Variants in TMIGD3 observed in about 807,000 individuals in gnomAD.
TMIGD3 encodes transmembrane and immunoglobulin domain containing 3, also known as AD026 protein (AD026).
TMIGD3 carries 21 observed loss-of-function variants against 28.1 expected under a neutral mutation model. The observed-to-expected ratio is 0.75, with a 90% CI of 0.53 to 1.08. The LOEUF is 1.08. Among genes scored for constraint, TMIGD3 ranks in the 50% least tolerant of loss-of-function variants. The pLI, the probability that TMIGD3 is intolerant of heterozygous loss-of-function variation, is 0.00. For missense variants in TMIGD3, 416 were observed against 435.6 expected (o/e 0.96, Z 0.40); for synonymous variants, 151 against 162.1 (o/e 0.93, Z 0.52).
chr1:111,532,602 C>A (rs573254877), intron 1 of TMIGD3, among the ~76,000 whole-genome samples: 267 of 152,100 alleles, frequency 1.8e-3, no homozygotes, highest in Non-Finnish European at 3.5e-3. Context: ...CCAGCCTGGG[C>A]AACATAGAGA....
chr1:111,500,762 C>T (rs1655134438), intron 1 of TMIGD3: 11 of 572,046 alleles, frequency 1.9e-5, no homozygotes, highest in Admixed American at 3.2e-5. Context: ...GAGCAGACAA[C>T]GATTGGAGAA....
chr1:111,508,177 C>T (rs1446463972), upstream of TMIGD3, among the ~76,000 whole-genome samples: 1 of 151,492 alleles, frequency 6.6e-6, no homozygotes, highest in African/African-American at 2.4e-5. Context: ...GGGCGCTCAG[C>T]CTCACCCACC....
At chr1:111,516,346 A>G (rs1302116893) in intron 1 of TMIGD3, among the ~76,000 whole-genome samples, 2 of 152,200 alleles carry the variant, frequency 1.3e-5, no homozygotes, top group African/African-American at 2.4e-5. Flanking sequence ...GTGATGGCTC[A>G]GGGCGACGTC....
intron 1 of TMIGD3, among the ~76,000 whole-genome samples, chr1:111,515,327 A>G (rs1655822596): frequency 6.6e-6 from 1 of 152,024 alleles, no homozygotes; most frequent in South Asian, 2.1e-4. Flanking sequence ...ACTCCCACCT[A>G]CTAAAAACTG....
intron 1 of TMIGD3, among the ~76,000 whole-genome samples, chr1:111,528,904 AG>A (rs1656356923): frequency 2.0e-5 from 3 of 151,462 alleles, no homozygotes; most frequent in Non-Finnish European, 4.4e-5. Flanking sequence ...TAATTCTAGG[AG>A]GTTTTTTCCT....
intron 1 of TMIGD3, among the ~76,000 whole-genome samples, chr1:111,535,205 T>C (rs12047987): frequency 0.2 from 30,382 of 152,152 alleles, 3,576 homozygotes; most frequent in East Asian, 0.47. Context: ...ACTGAATAAA[T>C]GTCAACTATT....
intron 1 of TMIGD3, among the ~76,000 whole-genome samples, chr1:111,540,928 C>T (rs1656800890): frequency 6.6e-6 from 1 of 152,182 alleles, no homozygotes; most frequent in South Asian, 2.1e-4. Flanking sequence ...ATCACATTGA[C>T]ACCTTTAATC....
At chr1:111,537,851 G>C (rs1656691722) in intron 1 of TMIGD3, among the ~76,000 whole-genome samples, 1 of 152,056 alleles carries the variant, frequency 6.6e-6, no homozygotes, top group South Asian at 2.1e-4. Context: ...ACATATGGGG[G>C]CTATGATGAC....
chr1:111,527,842 G>A (rs1002334838), intron 1 of TMIGD3, among the ~76,000 whole-genome samples: 55 of 152,088 alleles, frequency 3.6e-4, no homozygotes, highest in Non-Finnish European at 6.5e-4. Flanking sequence ...TCTTTTAATT[G>A]GGTTGTTAAT....
intron 1 of TMIGD3, among the ~76,000 whole-genome samples, chr1:111,539,390 C>T (rs570796587): frequency 8.5e-5 from 13 of 152,114 alleles, no homozygotes; most frequent in Non-Finnish European, 1.9e-4. Context: ...CTCCATCTCC[C>T]GAGTTCAAGC....
intron 1 of TMIGD3, among the ~76,000 whole-genome samples, chr1:111,511,781 C>T (rs1655701003): frequency 1.3e-5 from 2 of 152,014 alleles, no homozygotes; most frequent in Non-Finnish European, 2.9e-5. Context: ...ATTTACTTGT[C>T]TTTGGTCTGT....
intron 3 of TMIGD3, among the ~76,000 whole-genome samples, chr1:111,487,533 G>T: frequency 6.6e-6 from 1 of 151,968 alleles, no homozygotes; most frequent in Admixed American, 6.5e-5. Flanking sequence ...AGAAAGAAAG[G>T]CTAGCGCCTT....
intron 1 of TMIGD3, chr1:111,500,910 C>A (rs1415413777): frequency 8.3e-6 from 3 of 360,172 alleles, no homozygotes; most frequent in Admixed American, 4.9e-5. Flanking sequence ...TGTTACCTAT[C>A]TTTTCTTTTT....
At chr1:111,560,558 A>G (rs1193834839) in intron 1 of TMIGD3, among the ~76,000 whole-genome samples, 2 of 151,666 alleles carry the variant, frequency 1.3e-5, no homozygotes, top group Non-Finnish European at 2.9e-5. Context: ...GCACGATCAT[A>G]GCTCACTGCA....
At chr1:111,549,953 T>C (rs2101034388) in intron 1 of TMIGD3, among the ~76,000 whole-genome samples, 1 of 152,244 alleles carries the variant, frequency 6.6e-6, no homozygotes, top group South Asian at 2.1e-4. Flanking sequence ...CAGCCAGCCT[T>C]GTTTTGGGTT....
chr1:111,483,784 T>C lies in TMIGD3; in HGVS notation c.974-27A>G, dbSNP rs755636192. The C allele has an allele frequency of 1.3e-5, 20 of 1,594,736 alleles. No individual in the cohort carries two copies. In the East Asian group the frequency reaches 4.2e-4, roughly 34 times the overall value. Reference sequence around the variant, plus strand: ...TTTGTTGGGGAATAGAAAGGGAAAATGGAGTTGAGATCTATTGCCTACCCC... The same window carrying C: ...TTTGTTGGGGAATAGAAAGGGAAAACGGAGTTGAGATCTATTGCCTACCCC... On this transcript the variant is annotated intron_variant, in intron 5 of 5. Transcript: ENST00000369716.
intron 2 of TMIGD3, chr1:111,489,581 TC>T (rs1257729376): frequency 9.1e-7 from 1 of 1,094,068 alleles, no homozygotes; most frequent in Non-Finnish European, 1.1e-6. Flanking sequence ...TCTGGAGAAG[TC>T]CTTTTCCCTG....
chr1:111,559,842 G>A (rs1034532279), intron 1 of TMIGD3, among the ~76,000 whole-genome samples: 1 of 152,174 alleles, frequency 6.6e-6, no homozygotes, highest in Admixed American at 6.5e-5. Flanking sequence ...TGAGTGTTGA[G>A]TGTTACTGTG....
At chr1:111,517,336 A>G (rs74700101) in intron 1 of TMIGD3, among the ~76,000 whole-genome samples, 3 of 142,238 alleles carry the variant, frequency 2.1e-5, no homozygotes, top group Non-Finnish European at 4.6e-5. Context: ...TAGTCAATGG[A>G]AAAAAAAAAA....
Sources: allele counts gnomAD v4.1 joint callset (sites outside exome capture counted in the v4.1 genomes callset), GRCh38; gene constraint gnomAD v4.1.1; transcripts MANE v1.5; gene names NCBI Gene and HGNC (gene_info 2026-07-23, HGNC 2026-07-21).